C1QTNF3: variants seen among roughly 807,000 people sequenced by gnomAD.
C1QTNF3 encodes C1q and TNF related 3.
C1QTNF3 carries 26 observed loss-of-function variants against 32.6 expected under a neutral mutation model. The observed-to-expected ratio is 0.80, with a 90% confidence interval of 0.58 to 1.11. C1QTNF3 has a LOEUF of 1.11. Among genes scored for constraint, C1QTNF3 ranks in the 50% least tolerant of loss-of-function variants. The pLI is 0.00. For synonymous variants in C1QTNF3, 155 were observed against 146.0 expected, an observed-to-expected ratio of 1.06 and a Z score of -0.44; for missense variants, 362 against 398.2, an observed-to-expected ratio of 0.91 and a Z score of 0.77.
chr5:34,177,811 G>C, the C1QTNF3 span, among the ~76,000 whole-genome samples: 1 of 151,766 alleles, frequency 6.6e-6, no homozygotes, highest in East Asian at 1.9e-4. Flanking sequence ...ATATTTTGTA[G>C]AGATGGGGTC....
At chr5:34,233,051 A>T in the C1QTNF3 span, among the ~76,000 whole-genome samples, 6 of 150,860 alleles carry the variant, frequency 4.0e-5, no homozygotes, top group Non-Finnish European at 8.9e-5. Context: ...TTCCCACATA[A>T]GAATAAGTTA....
the C1QTNF3 span, among the ~76,000 whole-genome samples, chr5:34,174,851 G>A: frequency 6.6e-6 from 1 of 151,862 alleles, no homozygotes; most frequent in Non-Finnish European, 1.5e-5. Context: ...GCCATTTCCT[G>A]CCTCAGCCTC....
chr5:34,048,354 T>C, the C1QTNF3 span, among the ~76,000 whole-genome samples: 1 of 150,220 alleles, frequency 6.7e-6, no homozygotes, highest in East Asian at 2.0e-4. Flanking sequence ...CTGGTGTCAT[T>C]GAGCATTTGT....
the C1QTNF3 span, among the ~76,000 whole-genome samples, chr5:34,178,468 C>A: frequency 6.6e-6 from 1 of 152,404 alleles, no homozygotes; most frequent in South Asian, 2.1e-4. Context: ...AACTCCAACC[C>A]TGGAGTTACT....
chr5:34,176,018 T>A, the C1QTNF3 span: 1 of 675,366 alleles, frequency 1.5e-6, no homozygotes, highest in East Asian at 2.7e-5. Flanking sequence ...TAGATAAAAA[T>A]AAAGATCCAC....
At chr5:34,163,378 GT>G in the C1QTNF3 span, among the ~76,000 whole-genome samples, 1 of 151,920 alleles carries the variant, frequency 6.6e-6, no homozygotes, top group Admixed American at 6.6e-5. Context: ...GGAAGTCAAT[GT>G]TTCTTTAAAC....
At chr5:34,240,442 A>G in the C1QTNF3 span, among the ~76,000 whole-genome samples, 3 of 151,378 alleles carry the variant, frequency 2.0e-5, no homozygotes, top group Admixed American at 2.0e-4. Flanking sequence ...AACGACATTA[A>G]AAATGGTCCC....
chr5:34,046,515 C>T (rs1754988602), upstream of C1QTNF3, among the ~76,000 whole-genome samples: 1 of 152,100 alleles, frequency 6.6e-6, no homozygotes, highest in Admixed American at 6.5e-5. Flanking sequence ...ATTTACAAGC[C>T]AAGGAATACC....
chr5:34,063,919 T>C, the C1QTNF3 span, among the ~76,000 whole-genome samples: 2 of 151,986 alleles, frequency 1.3e-5, no homozygotes, highest in Non-Finnish European at 2.9e-5. Flanking sequence ...GAAGGAAAGG[T>C]AGGAGCGCAT....
At chr5:34,028,348 G>A (rs1023366838) in intron 4 of C1QTNF3, among the ~76,000 whole-genome samples, 4 of 152,142 alleles carry the variant, frequency 2.6e-5, no homozygotes, top group Non-Finnish European at 5.9e-5. Context: ...CACTCCTTGA[G>A]GTGGTGGCAG....
the C1QTNF3 span, chr5:34,167,325 C>T: frequency 1.3e-5 from 2 of 152,174 alleles, no homozygotes; most frequent in African/African-American, 4.8e-5. Flanking sequence ...CCTCACGTTT[C>T]AAGCTTAATG....
the C1QTNF3 span, among the ~76,000 whole-genome samples, chr5:34,217,070 CTT>C: frequency 2.6e-5 from 4 of 152,020 alleles, no homozygotes; most frequent in South Asian, 2.1e-4. Context: ...TATAATAACT[CTT>C]GTGTCCATGT....
chr5:34,080,047 A>AG, the C1QTNF3 span, among the ~76,000 whole-genome samples: 1 of 151,788 alleles, frequency 6.6e-6, no homozygotes, highest in Admixed American at 6.6e-5. Flanking sequence ...CTCCAAATTC[A>AG]TCACGTTGTA....
the C1QTNF3 span, among the ~76,000 whole-genome samples, chr5:34,092,624 A>T: frequency 8.0e-5 from 12 of 150,666 alleles, no homozygotes; most frequent in Non-Finnish European, 1.6e-4. Context: ...GAAATTAACT[A>T]CTTTGTTCTG....
At chr5:34,022,786 G>T (rs755869962) in intron 5 of C1QTNF3, among the ~76,000 whole-genome samples, 2 of 152,166 alleles carry the variant, frequency 1.3e-5, no homozygotes. Context: ...TTCTCCTTCT[G>T]ACTCTGGCAA....
At chr5:34,127,345 G>A in the C1QTNF3 span, among the ~76,000 whole-genome samples, 2 of 152,038 alleles carry the variant, frequency 1.3e-5, no homozygotes, top group African/African-American at 4.8e-5. Flanking sequence ...TCAAAATGTC[G>A]ATAGTGATAT....
At chr5:34,187,106 T>A in the C1QTNF3 span, among the ~76,000 whole-genome samples, 1 of 152,312 alleles carries the variant, frequency 6.6e-6, no homozygotes, top group East Asian at 1.9e-4. Flanking sequence ...TGAGATCTGA[T>A]GGTTTTATAA....
chr5:34,177,284 G>C, the C1QTNF3 span, among the ~76,000 whole-genome samples: 3 of 152,094 alleles, frequency 2.0e-5, no homozygotes, highest in East Asian at 1.9e-4. Context: ...TACCATTTCA[G>C]ACAGTGCAGA....
At chr5:34,064,728 C>T in the C1QTNF3 span, among the ~76,000 whole-genome samples, 1 of 152,146 alleles carries the variant, frequency 6.6e-6, no homozygotes, top group Non-Finnish European at 1.5e-5. Flanking sequence ...GTAACAAACA[C>T]AGACCAGAAG....
Sources: allele counts gnomAD v4.1 joint callset (sites outside exome capture counted in the v4.1 genomes callset), GRCh38; gene constraint gnomAD v4.1.1; transcripts MANE v1.5; gene names NCBI Gene and HGNC (gene_info 2026-07-23, HGNC 2026-07-21).